The following TSHZ3 variants were observed in gnomAD, a reference collection of about 807,000 sequenced individuals.
The protein encoded by TSHZ3 is teashirt homolog 3.
Under a neutral mutation model 64.5 loss-of-function variants are expected in TSHZ3, and 10 were observed. That is an observed-to-expected ratio of 0.16 (90% CI 0.10 to 0.26). The LOEUF is 0.26. Among genes scored for constraint, TSHZ3 ranks in the 10% least tolerant of loss-of-function variants. The pLI is 1.00. For missense variants in TSHZ3, 1,242 were observed against 1,421.7 expected, an observed-to-expected ratio of 0.87 and a Z score of 2.03; for synonymous variants, 608 against 593.1, an observed-to-expected ratio of 1.03 and a Z score of -0.36.
intron 5 of TSHZ3, among the ~76,000 whole-genome samples, chr19:31,203,070 AG>A (rs1203691239): frequency 2.0e-5 from 3 of 152,308 alleles, no homozygotes; most frequent in Non-Finnish European, 2.9e-5. Context: ...AAAAAAGACT[AG>A]GCAGGGCTAA....
chr19:31,175,250 G>A (rs1183603092), intron 5 of TSHZ3, among the ~76,000 whole-genome samples: 4 of 151,984 alleles, frequency 2.6e-5, no homozygotes, highest in Non-Finnish European at 4.4e-5. Context: ...CTTTCCTGTT[G>A]GCACATACGG....
At chr19:31,205,535 C>A (rs1215451140) in intron 4 of TSHZ3, among the ~76,000 whole-genome samples, 1 of 152,218 alleles carries the variant, frequency 6.6e-6, no homozygotes, top group Non-Finnish European at 1.5e-5. Context: ...AGAGTGTGAC[C>A]TCAGCAGCTT....
intron 4 of TSHZ3, among the ~76,000 whole-genome samples, chr19:31,218,410 G>A (rs114913710): frequency 0.013 from 1,939 of 152,280 alleles, 44 homozygotes; most frequent in African/African-American, 0.045. Context: ...ACTAAATGCT[G>A]GCAAGGATGT....
intron 5 of TSHZ3, among the ~76,000 whole-genome samples, chr19:31,184,211 T>C (rs180725699): frequency 2.0e-5 from 3 of 152,336 alleles, no homozygotes; most frequent in Admixed American, 2.0e-4. Context: ...CTTATTTTCT[T>C]TTTTAAGATA....
intron 5 of TSHZ3, among the ~76,000 whole-genome samples, chr19:31,158,277 A>G (rs925953193): frequency 6.6e-6 from 1 of 152,190 alleles, no homozygotes; most frequent in Non-Finnish European, 1.5e-5. Context: ...ATAGAGAAAA[A>G]AATATATGTA....
intron 1 of TSHZ3, among the ~76,000 whole-genome samples, chr19:31,347,717 G>A (rs923262521): frequency 2.6e-5 from 4 of 152,168 alleles, no homozygotes; most frequent in Non-Finnish European, 5.9e-5. Context: ...AGCAAAACCT[G>A]CATCCTAAGC....
intron 5 of TSHZ3, among the ~76,000 whole-genome samples, chr19:31,161,628 C>A (rs1214821945): frequency 6.6e-6 from 1 of 152,192 alleles, no homozygotes; most frequent in Admixed American, 6.5e-5. Context: ...CTGGAAACCC[C>A]TCTGGGTCAC....
At chr19:31,245,644 T>C (rs914471050) in intron 1 of TSHZ3, among the ~76,000 whole-genome samples, 3 of 131,272 alleles carry the variant, frequency 2.3e-5, no homozygotes, top group African/African-American at 4.0e-5. Context: ...TCCTGTACTG[T>C]AAGACCTGAT....
chr19:31,350,293 A>T (rs1237347261), upstream of TSHZ3, among the ~76,000 whole-genome samples: 5 of 148,138 alleles, frequency 3.4e-5, no homozygotes, highest in Admixed American at 1.3e-4. Context: ...CGCCGTAGCC[A>T]CTTCCCCCAA....
intron 1 of TSHZ3, among the ~76,000 whole-genome samples, chr19:31,252,382 T>C (rs754177696): frequency 4.2e-4 from 64 of 152,184 alleles, no homozygotes; most frequent in Non-Finnish European, 9.0e-4. Flanking sequence ...AGGGCCCACC[T>C]GGATAACTCA....
chr19:31,157,893 T>C (rs1374628409), intron 5 of TSHZ3, among the ~76,000 whole-genome samples: 1 of 152,190 alleles, frequency 6.6e-6, no homozygotes, highest in East Asian at 1.9e-4. Flanking sequence ...GTTTGAGGCA[T>C]AGGCTGCTTC....
chr19:31,316,236 CT>C (rs894485415), intron 1 of TSHZ3, among the ~76,000 whole-genome samples: 2 of 152,146 alleles, frequency 1.3e-5, no homozygotes, highest in Admixed American at 1.3e-4. Flanking sequence ...CTTAAAATGC[CT>C]TTCCCATTTT....
rs1342841209 is a variant in TSHZ3, at chr19:31,275,711, T to A, written c.*836A>T. On this transcript the variant is annotated 3_prime_UTR_variant, in exon 2 of 2. Coordinates refer to ENST00000240587, the MANE Select transcript of TSHZ3 (RefSeq NM_020856.4). ...CAAACTATCATACTTTGCTTTCAGA[T>A]AATGTTTCTGTATACTTTATAAATG... 6.6e-6 allele frequency: 1 copy of A among 152,460 alleles called. No individual in the cohort carries two copies. The highest frequency in any genetic ancestry group is 1.5e-5 in the Non-Finnish European group (1 of 67,892). The allele number at this position is 152,460 out of a possible 1,614,324, so 9.4% of individuals were successfully genotyped here. A position where few individuals can be genotyped will look rare whatever the true frequency, so the allele number is the denominator to read the frequency against.
upstream of TSHZ3, among the ~76,000 whole-genome samples, chr19:31,350,454 G>C (rs1164503317): frequency 6.6e-6 from 1 of 151,548 alleles, no homozygotes; most frequent in Non-Finnish European, 1.5e-5. Context: ...CCCCATCCAC[G>C]GCGCGGGCCG....
intron 1 of TSHZ3, among the ~76,000 whole-genome samples, chr19:31,339,620 G>A (rs530495936): frequency 6.5e-4 from 99 of 152,266 alleles, no homozygotes; most frequent in East Asian, 4.6e-3. Flanking sequence ...AGTGATGTAT[G>A]ACTCTGCTGA....
chr19:31,262,311 T>C (rs942490690), intron 1 of TSHZ3, among the ~76,000 whole-genome samples: 6 of 152,230 alleles, frequency 3.9e-5, no homozygotes, highest in African/African-American at 1.4e-4. Context: ...ACAAAATTGT[T>C]GTATCTGTCA....
intron 1 of TSHZ3, among the ~76,000 whole-genome samples, chr19:31,310,187 C>T (rs1349921426): frequency 2.6e-5 from 4 of 152,290 alleles, no homozygotes; most frequent in South Asian, 2.1e-4. Flanking sequence ...GTGTCTCAAC[C>T]TTCTCATGTC....
intron 1 of TSHZ3, among the ~76,000 whole-genome samples, chr19:31,290,764 G>A (rs1180633815): frequency 6.6e-6 from 1 of 152,058 alleles, no homozygotes; most frequent in Non-Finnish European, 1.5e-5. Flanking sequence ...ATACCCAAGG[G>A]CCAGAGGATC....
chr19:31,290,728 T>C (rs1178119695), intron 1 of TSHZ3, among the ~76,000 whole-genome samples: 1 of 152,102 alleles, frequency 6.6e-6, no homozygotes, highest in Non-Finnish European at 1.5e-5. Flanking sequence ...GCTGCTGGGC[T>C]TTGGAGCTCC....
Sources: allele counts gnomAD v4.1 joint callset (sites outside exome capture counted in the v4.1 genomes callset), GRCh38; gene constraint gnomAD v4.1.1; transcripts MANE v1.5; gene names NCBI Gene and HGNC (gene_info 2026-07-23, HGNC 2026-07-21).